Variants in MCU observed in about 807,000 individuals in gnomAD.
MCU encodes the protein calcium uniporter protein, mitochondrial.
MCU carries 12 observed loss-of-function variants against 45.2 expected under a neutral mutation model. The observed-to-expected ratio is 0.27, with a 90% CI of 0.17 to 0.43. The LOEUF is 0.43. Among genes scored for constraint, MCU ranks in the 20% least tolerant of loss-of-function variants. MCU has a pLI of 1.00. For synonymous variants in MCU, 160 were observed against 165.1 expected (o/e 0.97, Z 0.24); for missense variants, 324 against 436.7 (o/e 0.74, Z 2.30).
intron 1 of MCU, among the ~76,000 whole-genome samples, chr10:72,771,978 T>A (rs890207906): frequency 6.6e-6 from 1 of 152,208 alleles, no homozygotes; most frequent in Non-Finnish European, 1.5e-5. Context: ...TCATGGCTTC[T>A]ACACTGGAAA....
At position 72,820,049 on chromosome 10, in the gene MCU, T is replaced by C. The variant is rs138343804; in HGVS notation, c.151-14310T>C. Among the ~76,000 whole-genome samples, 371 of 152,296 alleles carry C rather than the reference T, an allele frequency of 2.4e-3. 3 individuals are homozygous for C. Among genetic ancestry groups the C allele is most frequent in the African/African-American group, 8.3e-3 (345 of 41,558 alleles). On this transcript the variant is annotated intron_variant, in intron 1 of 7. Coordinates refer to ENST00000373053, the MANE Select transcript of MCU (RefSeq NM_138357.3). ...GAACATGAGTGGTATATGTCTGTTA[T>C]AGGGCAGGAAGAAATAATCATGCTA... is the stretch of plus-strand genomic sequence containing the variant.
intron 1 of MCU, among the ~76,000 whole-genome samples, chr10:72,736,849 T>G (rs1015587892): frequency 1.3e-5 from 2 of 152,244 alleles, no homozygotes; most frequent in African/African-American, 4.8e-5. Flanking sequence ...TCTTGGACAT[T>G]GTTGCGTGCT....
intron 1 of MCU, among the ~76,000 whole-genome samples, chr10:72,707,734 C>T (rs1564534377): frequency 1.3e-5 from 2 of 151,790 alleles, no homozygotes; most frequent in Non-Finnish European, 2.9e-5. Context: ...GTTCCGTTAA[C>T]TTGCTGTTTG....
intron 6 of MCU, among the ~76,000 whole-genome samples, chr10:72,883,445 T>A (rs1845735362): frequency 6.6e-6 from 1 of 152,190 alleles, no homozygotes; most frequent in African/African-American, 2.4e-5. Flanking sequence ...TAACGTCTTT[T>A]AAACTGGCAA....
At chr10:72,795,152 C>T (rs1044357144) in intron 1 of MCU, among the ~76,000 whole-genome samples, 1 of 152,116 alleles carries the variant, frequency 6.6e-6, no homozygotes, top group Non-Finnish European at 1.5e-5. Flanking sequence ...CCTCATTGAG[C>T]TCATTAGGTA....
chr10:72,776,808 C>T (rs1843901147), intron 1 of MCU, among the ~76,000 whole-genome samples: 2 of 152,050 alleles, frequency 1.3e-5, no homozygotes, highest in African/African-American at 2.4e-5. Flanking sequence ...TGATCTCATA[C>T]CTAGAGAAAC....
At chr10:72,758,241 T>C (rs186348727) in intron 1 of MCU, among the ~76,000 whole-genome samples, 4 of 152,346 alleles carry the variant, frequency 2.6e-5, no homozygotes, top group Admixed American at 2.6e-4. Context: ...TCTAAAACTA[T>C]GTTGTCCAGG....
At chr10:72,826,870 C>T (rs1285732359) in intron 1 of MCU, among the ~76,000 whole-genome samples, 1 of 152,134 alleles carries the variant, frequency 6.6e-6, no homozygotes, top group Non-Finnish European at 1.5e-5. Context: ...CTGTCCCACC[C>T]AAGACGTAAA....
chr10:72,856,739 G>A (rs1036805732), intron 2 of MCU, among the ~76,000 whole-genome samples: 1 of 138,790 alleles, frequency 7.2e-6, no homozygotes, highest in Non-Finnish European at 1.5e-5. Flanking sequence ...TTCAAGACCA[G>A]CCTGGGCAAC....
At chr10:72,701,985 A>G (rs1026862070) in intron 1 of MCU, among the ~76,000 whole-genome samples, 1 of 151,926 alleles carries the variant, frequency 6.6e-6, no homozygotes, top group African/African-American at 2.4e-5. Flanking sequence ...CATGCCTGTA[A>G]TCCCAGCCTT....
chr10:72,740,793 G>A (rs1843317764), intron 1 of MCU, among the ~76,000 whole-genome samples: 1 of 152,208 alleles, frequency 6.6e-6, no homozygotes, highest in South Asian at 2.1e-4. Context: ...GTCTCAGTGA[G>A]CTCTCAGGAA....
rs1326422569 is a variant in MCU at position 72,886,895 on chromosome 10, AG to A, written c.*1076del. 2 of 143,300 alleles carry A rather than the reference AG, an allele frequency of 1.4e-5. No homozygotes were observed. Among genetic ancestry groups the A allele is most frequent in the East Asian group, 2.0e-4 (1 of 4,880 alleles). 8.9% of individuals were successfully genotyped at this position (143,300 alleles called of 1,614,324 possible). A position where few individuals can be genotyped will look rare whatever the true frequency, so the allele number is the denominator to read the frequency against. On this transcript the variant is annotated 3_prime_UTR_variant, in exon 8 of 8. Transcript: ENST00000373053. The stretch of plus-strand genomic sequence containing the variant: ...TGTAAATCAAGTGTGTGGATCTCAA[AG>A]GGTGCAATTTATCTTTATATAGGAA...
intron 1 of MCU, among the ~76,000 whole-genome samples, chr10:72,774,756 T>G (rs1843865112): frequency 6.6e-6 from 1 of 152,030 alleles, no homozygotes; most frequent in East Asian, 1.9e-4. Context: ...ATACTTATAT[T>G]GAATAATATA....
Position 72,860,544 on chromosome 10 carries a change from G to C in MCU, c.496+17G>C. The C allele has an allele frequency of 6.3e-7, 1 of 1,588,552 alleles. No homozygotes were observed. The highest frequency in any genetic ancestry group is 8.6e-7 in the Non-Finnish European group (1 of 1,158,802). On this transcript the variant is annotated intron_variant, in intron 4 of 7. Transcript: ENST00000373053. The stretch of plus-strand genomic sequence containing the variant: ...CAAAAAGAGGTAAAATAGTAACCTT[G>C]GTAAGGTCACAGAAATGTGGGAAGG...
At chr10:72,864,185 A>T in intron 4 of MCU, among the ~76,000 whole-genome samples, 1 of 152,302 alleles carries the variant, frequency 6.6e-6, no homozygotes, top group East Asian at 1.9e-4. Flanking sequence ...CACAGTTTTA[A>T]AATGCTGTGT....
intron 1 of MCU, chr10:72,712,458 A>G (rs1842907279): frequency 6.6e-6 from 1 of 152,198 alleles, no homozygotes. Context: ...AAATTCTCAG[A>G]TATTTCAAGT....
At chr10:72,873,397 GTCT>G (rs1845575971) in intron 6 of MCU, among the ~76,000 whole-genome samples, 1 of 152,038 alleles carries the variant, frequency 6.6e-6, no homozygotes, top group South Asian at 2.1e-4. Context: ...TCATTTGTAT[GTCT>G]TCTTTTGAGA....
chr10:72,812,061 A>T (rs768450178), intron 1 of MCU, among the ~76,000 whole-genome samples: 1 of 148,066 alleles, frequency 6.8e-6, no homozygotes, highest in African/African-American at 2.5e-5. Flanking sequence ...TTATTTACCT[A>T]TTCATTTTGG....
chr10:72,744,008 A>C (rs989639939), intron 1 of MCU, among the ~76,000 whole-genome samples: 5 of 151,162 alleles, frequency 3.3e-5, no homozygotes, highest in African/African-American at 1.2e-4. Flanking sequence ...CTCCCTTAAT[A>C]GTTTATATAT....
Sources: allele counts gnomAD v4.1 joint callset (sites outside exome capture counted in the v4.1 genomes callset), GRCh38; gene constraint gnomAD v4.1.1; transcripts MANE v1.5; gene names NCBI Gene and HGNC (gene_info 2026-07-23, HGNC 2026-07-21).